Variants in DNAJA4 observed in about 807,000 individuals in gnomAD.
DNAJA4 encodes dnaJ homolog subfamily A member 4.
Under a neutral mutation model 39.7 loss-of-function variants are expected in DNAJA4, and 32 were observed. That is an observed-to-expected ratio of 0.81 (90% CI 0.61 to 1.08). The LOEUF (loss-of-function observed/expected upper bound fraction) is 1.08. DNAJA4 is among the 50% of genes least tolerant of loss of function. The probability of loss-of-function intolerance (pLI) is 0.00; values close to 1 mark genes in which losing one functional copy is unlikely to be tolerated. For synonymous variants in DNAJA4, 184 were observed against 182.4 expected (o/e 1.01, Z -0.07); for missense variants, 439 against 505.1 (o/e 0.87, Z 1.25).
chr15:78,275,840 G>T (rs2049442066), intron 5 of DNAJA4, 112 bp downstream of exon 5: 1 of 737,554 alleles, frequency 1.4e-6, no homozygotes, highest in Non-Finnish European at 2.2e-6. Flanking sequence ...TTGATGGGGT[G>T]CATGTGATAC....
Position 78,282,059 on chromosome 15 carries a change from G to GT in DNAJA4, c.*1602dup, listed in dbSNP as rs1342564289. 1 of 152,178 alleles carries GT rather than the reference G, an allele frequency of 6.6e-6. No homozygotes were observed. The highest frequency in any genetic ancestry group is 2.4e-5 in the African/African-American group (1 of 41,430). The allele number at this position is 152,178 out of a possible 1,614,324, so 9.4% of individuals were successfully genotyped here. On this transcript the variant is annotated 3_prime_UTR_variant, in exon 7 of 7. Coordinates refer to ENST00000394852, the MANE Select transcript of DNAJA4 (RefSeq NM_001130182.2). ...TCCTAATTATTGCTAAAGAACTACT[G>GT]TTTAGTTGGTAATGGTGTAAAATTA... is the stretch of plus-strand genomic sequence containing the variant.
At chr15:78,270,416 C>T in intron 1 of DNAJA4, 81 bp from the exon 2 acceptor site, 2 of 1,454,902 alleles carry the variant, frequency 1.4e-6, no homozygotes, top group East Asian at 2.3e-5. Flanking sequence ...ACCTCTATTA[C>T]TTTGTATGTT....
At position 78,267,041 on chromosome 15, in the gene DNAJA4, C is replaced by CTCAT. The variant is rs376386009; in HGVS notation, c.132+2170_132+2173dup. 2.5e-3 allele frequency among the ~76,000 whole-genome samples: 388 copies of CTCAT among 152,168 alleles called. 2 individuals are homozygous for CTCAT. The highest frequency in any genetic ancestry group is 1.5e-3 in the African/African-American group (63 of 41,508). On this transcript the variant is annotated intron_variant, in intron 1 of 6. Coordinates refer to ENST00000394852, the MANE Select transcript of DNAJA4 (RefSeq NM_001130182.2). The stretch of plus-strand genomic sequence containing the variant: ...CGGCTGTAGAGTTCCCCAGAGAGAG[C>CTCAT]TCATTCATTCATTCATTCATTCATT...
chr15:78,274,352 G>A lies in DNAJA4; in HGVS notation c.574G>A (p.Asp192Asn). The change falls in exon 4 of 7, where the codon GAC becomes AAC. Residue 192 changes from aspartate to asparagine, a missense_variant. Physicochemically the swap from Asp to Asn is conservative, Grantham distance 23 (BLOSUM62 1). Transcript: ENST00000394852. ...KGQGERINPK[D>N]RCESCSGAKV... ...CCAGGGTGAGCGCATCAACCCCAAG[G>A]ACCGCTGCGAGAGCTGCAGCGGGGC... The A allele has an allele frequency of 1.2e-6, 2 of 1,614,190 alleles. No individual in the cohort carries two copies. The highest frequency in any genetic ancestry group is 1.7e-6 in the Non-Finnish European group (2 of 1,180,044).
upstream of DNAJA4, chr15:78,264,439 CG>C: frequency 7.5e-7 from 1 of 1,330,242 alleles, no homozygotes; most frequent in Non-Finnish European, 9.6e-7. Flanking sequence ...GTCTGGGCCG[CG>C]AACCCGCCGC....
At chr15:78,264,359 G>A (rs1301856324), upstream of DNAJA4, 6 of 1,449,038 alleles carry the variant, frequency 4.1e-6, no homozygotes, top group Admixed American at 1.3e-4. Flanking sequence ...GGAATCAGAC[G>A]GGCAGCCAAA....
In DNAJA4 at chr15:78,280,418, C is replaced by T. The variant is rs764866076; in HGVS notation, c.1152C>T (p.Asp384=). 1.7e-5 allele frequency: 27 copies of T among 1,613,472 alleles called. No individual in the cohort carries two copies. Among genetic ancestry groups the T allele is most frequent in the Admixed American group, 5.0e-5 (3 of 59,962 alleles). ...WRQHREAYEE[D]EDGPQAGVQC... ...AGCACAGGGAGGCCTACGAGGAGGACGAAGACGGGCCCCAGGCTGGAGTGC... is the reference window on the plus strand; with the variant it reads ...AGCACAGGGAGGCCTACGAGGAGGATGAAGACGGGCCCCAGGCTGGAGTGC... Residue 384 remains aspartate, a synonymous_variant, in exon 7 of 7, where the codon GAC becomes GAT. Transcript: ENST00000394852.
At position 78,274,356 on chromosome 15, in the gene DNAJA4, G is replaced by A. The variant is rs535285370; in HGVS notation, c.578G>A (p.Arg193His). 34 of 1,614,218 alleles carry A rather than the reference G, an allele frequency of 2.1e-5. 1 individual carries two copies. Among genetic ancestry groups the A allele is most frequent in the Middle Eastern group, 1.6e-4 (1 of 6,062 alleles). Residue 193 changes from arginine to histidine, a missense_variant, in exon 4 of 7, where the codon CGC (arginine) becomes CAC (histidine). Transcript: ENST00000394852. The part of the protein sequence containing the change: ...GQGERINPKD[R>H]CESCSGAKVI... The stretch of plus-strand genomic sequence containing the variant: ...GGTGAGCGCATCAACCCCAAGGACC[G>A]CTGCGAGAGCTGCAGCGGGGCCAAG...
chr15:78,274,093 C>T, intron 3 of DNAJA4, 104 bp from the exon 4 acceptor site: 1 of 922,842 alleles, frequency 1.1e-6, no homozygotes, highest in South Asian at 1.7e-5. Context: ...ATTCTAAGCC[C>T]ATTGTCCAAT....
At chr15:78,274,780 T>G in intron 4 of DNAJA4, 1 of 330,258 alleles carries the variant, frequency 3.0e-6, no homozygotes, top group South Asian at 2.9e-5. Context: ...TCCTGGTCGC[T>G]TCTGATGCTC....
At chr15:78,278,175 G>A (rs990716258) in intron 5 of DNAJA4, 7 of 455,876 alleles carry the variant, frequency 1.5e-5, no homozygotes, top group South Asian at 3.1e-5. Context: ...TTTACCTGCC[G>A]GGAGAGCCTA....
chr15:78,267,224 T>C (rs1016520429), intron 1 of DNAJA4, among the ~76,000 whole-genome samples: 4 of 113,644 alleles, frequency 3.5e-5, no homozygotes, highest in Non-Finnish European at 8.0e-5. Flanking sequence ...GTGTGTGTAG[T>C]TCTTTTCCAC....
chr15:78,280,519 C>A lies in DNAJA4; in HGVS notation c.*59C>A. ...GCACATGATGAATGTAAAGTTGGCA[C>A]AATGAAAATGACATCGCTTTAATGG... On this transcript the variant is annotated 3_prime_UTR_variant, in exon 7 of 7. Coordinates refer to ENST00000394852, the MANE Select transcript of DNAJA4 (RefSeq NM_001130182.2). 2.1e-6 allele frequency: 3 copies of A among 1,428,264 alleles called. No homozygotes were observed. The highest frequency in any genetic ancestry group is 2.4e-5 in the East Asian group (1 of 41,074). 88.5% of individuals were successfully genotyped at this position (1,428,264 alleles called of 1,614,324 possible). A position where few individuals can be genotyped will look rare whatever the true frequency, so the allele number is the denominator to read the frequency against.
intron 5 of DNAJA4, chr15:78,278,383 G>T: frequency 2.3e-6 from 1 of 436,160 alleles, no homozygotes; most frequent in Non-Finnish European, 4.6e-6. Flanking sequence ...ATTGTTTGGC[G>T]ATGTCGTTGT....
chr15:78,264,257 CG>C, upstream of DNAJA4: 2 of 1,221,670 alleles, frequency 1.6e-6, no homozygotes, highest in African/African-American at 1.6e-5. Context: ...CTCGGGGCGG[CG>C]GGACAGTTGT....
chr15:78,268,348 C>T (rs1421249772), intron 1 of DNAJA4, among the ~76,000 whole-genome samples: 4 of 152,124 alleles, frequency 2.6e-5, no homozygotes, highest in Non-Finnish European at 4.4e-5. Flanking sequence ...CTTACTTCTT[C>T]GCAGAAATGG....
chr15:78,264,904 C>CGGCGCGG lies in DNAJA4; in HGVS notation c.132+13_132+19dup, dbSNP rs764196227. On this transcript the variant is annotated intron_variant, in intron 1 of 6. Transcript: ENST00000394852. ...CGGATGAGGGCGAGAAGGTGCGGGGCGGCGCGGGGCACGGGCCGGGCTCCC... is the reference window on the plus strand; with the variant it reads ...CGGATGAGGGCGAGAAGGTGCGGGGCGGCGCGGGGCGCGGGGCACGGGCCGGGCTCCC... 1 of 1,582,312 alleles carries CGGCGCGG rather than the reference C, an allele frequency of 6.3e-7. No homozygotes were observed. Among genetic ancestry groups the CGGCGCGG allele is most frequent in the African/African-American group, 1.4e-5 (1 of 73,368 alleles).
Position 78,280,257 on chromosome 15 carries a change from G to A in DNAJA4, c.991G>A (p.Glu331Lys). The change falls in exon 7 of 7, where the codon GAA becomes AAA. Residue 331 changes from glutamate (E) to lysine (K), a missense_variant. By Grantham distance (56) the Glu-to-Lys change is moderately conservative (BLOSUM62 1). Transcript: ENST00000394852. ...LIIQFLVIFPEKHWLSLEKLP... is the reference protein window; with the variant it reads ...LIIQFLVIFPKKHWLSLEKLP... ...TCACCCTTTACAGGTAATCTTTCCT[G>A]AAAAACACTGGCTTTCTCTGGAAAA... 1 of 1,614,056 alleles carries A rather than the reference G, an allele frequency of 6.2e-7. No homozygotes were observed. Among genetic ancestry groups the A allele is most frequent in the Non-Finnish European group, 8.5e-7 (1 of 1,179,924 alleles).
In DNAJA4 at chr15:78,281,732, A is replaced by G. The variant is rs2049664321; in HGVS notation, c.*1272A>G. 6.6e-6 allele frequency: 1 copy of G among 152,184 alleles called. No individual in the cohort carries two copies. Among genetic ancestry groups the G allele is most frequent in the African/African-American group, 2.4e-5 (1 of 41,420 alleles). 9.4% of individuals were successfully genotyped at this position (152,184 alleles called of 1,614,324 possible). ...AAAGCAGAGGCCACCTGTCAGATCT[A>G]CCCTACCCTTATTTGGTTACATGGC... On this transcript the variant is annotated 3_prime_UTR_variant, in exon 7 of 7. Coordinates refer to ENST00000394852, the MANE Select transcript of DNAJA4 (RefSeq NM_001130182.2).
Sources: allele counts gnomAD v4.1 joint callset (sites outside exome capture counted in the v4.1 genomes callset), GRCh38; gene constraint gnomAD v4.1.1; transcripts MANE v1.5; gene names NCBI Gene and HGNC (gene_info 2026-07-23, HGNC 2026-07-21).